Variants in MYO5C observed in about 807,000 individuals in gnomAD.
The protein encoded by MYO5C is unconventional myosin-Vc.
Under a neutral mutation model 235.7 loss-of-function variants are expected in MYO5C, and 194 were observed. That is an observed-to-expected ratio of 0.82 (90% CI 0.73 to 0.93). The LOEUF (loss-of-function observed/expected upper bound fraction) is 0.93. MYO5C is among the 40% of genes least tolerant of loss of function. The probability of loss-of-function intolerance (pLI) is 0.00; values close to 1 mark genes in which losing one functional copy is unlikely to be tolerated. For missense variants in MYO5C, 2,038 were observed against 2,127.2 expected (o/e 0.96, Z 0.82); for synonymous variants, 707 against 754.8 (o/e 0.94, Z 1.04).
At chr15:52,196,572 A>G in intron 38 of MYO5C, 89 bp from the exon 39 acceptor site, 1 of 1,233,012 alleles carries the variant, frequency 8.1e-7, no homozygotes, top group Non-Finnish European at 1.1e-6. Flanking sequence ...GAGTTCGCTG[A>G]GATCCTTAAG....
rs771704755 is a variant in MYO5C, at chr15:52,264,189, CACTA to C, written c.1044_1047del (p.Ser349ArgfsTer6). The C allele has an allele frequency of 3.7e-6, 6 of 1,605,216 alleles. No individual in the cohort carries two copies. Among genetic ancestry groups the C allele is most frequent in the Non-Finnish European group, 5.1e-6 (6 of 1,172,098 alleles). On this transcript the variant is annotated frameshift_variant and splice_region_variant, in exon 9 of 41. Coordinates refer to ENST00000261839, the MANE Select transcript of MYO5C (RefSeq NM_018728.4). LOFTEE classifies it high-confidence loss of function. The stretch of plus-strand genomic sequence containing the variant: ...AAAAGTAAAACAAATGAGCATCTCA[CACTA>C]ACTGAGGACCTCTCGTTGCCCACCG...
At chr15:52,200,338 C>T (rs956262102) in intron 38 of MYO5C, among the ~76,000 whole-genome samples, 3 of 152,074 alleles carry the variant, frequency 2.0e-5, no homozygotes, top group East Asian at 1.9e-4. Context: ...GAGGCTGAGG[C>T]GAGTGGATCA....
chr15:52,238,145 T>C (rs2036131754), intron 21 of MYO5C, among the ~76,000 whole-genome samples: 1 of 152,094 alleles, frequency 6.6e-6, no homozygotes, highest in Non-Finnish European at 1.5e-5. Flanking sequence ...ATCTACAAGC[T>C]AAGGAGAGAG....
At chr15:52,215,305 G>T (rs1406725443) in intron 32 of MYO5C, among the ~76,000 whole-genome samples, 1 of 152,178 alleles carries the variant, frequency 6.6e-6, no homozygotes, top group Non-Finnish European at 1.5e-5. Context: ...TGATAAGTAG[G>T]TGGCCTTGCC....
chr15:52,219,604 A>C (rs1246869854), intron 31 of MYO5C, among the ~76,000 whole-genome samples, 155 bp downstream of exon 31: 1 of 152,240 alleles, frequency 6.6e-6, no homozygotes, highest in Non-Finnish European at 1.5e-5. Flanking sequence ...TTGTACATAC[A>C]CATATTTCTT....
intron 11 of MYO5C, among the ~76,000 whole-genome samples, chr15:52,253,867 A>G (rs1350034478): frequency 6.6e-6 from 1 of 152,136 alleles, no homozygotes; most frequent in Admixed American, 6.5e-5. Flanking sequence ...GGAGAAGCCC[A>G]CTGCTTAGAG....
chr15:52,267,665 G>A (rs961004795), intron 8 of MYO5C, among the ~76,000 whole-genome samples: 9 of 152,164 alleles, frequency 5.9e-5, no homozygotes, highest in African/African-American at 1.7e-4. Flanking sequence ...CAGCCTGGGC[G>A]ACAGAGCGAG....
At chr15:52,286,203 C>A (rs1007056335) in intron 1 of MYO5C, among the ~76,000 whole-genome samples, 34 of 151,950 alleles carry the variant, frequency 2.2e-4, no homozygotes, top group Admixed American at 1.9e-3. Context: ...CCGGCAGCCG[C>A]CCCGTCCGGG....
At chr15:52,279,795 ATGTACT>A in intron 2 of MYO5C, 121 bp from the exon 3 acceptor site, 1 of 920,876 alleles carries the variant, frequency 1.1e-6, no homozygotes, top group Non-Finnish European at 1.6e-6. Context: ...TAAAAAGCAA[ATGTACT>A]TATAGCAACA....
rs1306981623 is a variant in MYO5C at position 52,271,809 on chromosome 15, C to T, written c.786G>A (p.Gln262=). The T allele has an allele frequency of 6.3e-7, 1 of 1,584,830 alleles. No individual in the cohort carries two copies. Among genetic ancestry groups the T allele is most frequent in the South Asian group, 1.1e-5 (1 of 87,190 alleles). Reference sequence around the variant, plus strand: ...CCGACTGCTGTGCAGATGCACAAAGCTGATAGAAAATGTGGTAATTTCGTT... The same window carrying T: ...CCGACTGCTGTGCAGATGCACAAAGTTGATAGAAAATGTGGTAATTTCGTT... ...ENERNYHIFY[Q]LCASAQQSEF... is the part of the protein sequence containing the mutation. The change falls in exon 7 of 41, where the codon CAG becomes CAA. Residue 262 remains glutamine (Q), a synonymous_variant. Transcript: ENST00000261839.
chr15:52,203,694 C>T (rs1338673222), intron 38 of MYO5C, among the ~76,000 whole-genome samples: 1 of 152,196 alleles, frequency 6.6e-6, no homozygotes, highest in African/African-American at 2.4e-5. Flanking sequence ...ACTATAGTCA[C>T]CCTGTTGTGC....
In MYO5C at chr15:52,219,806, C is replaced by T. The variant is rs2035636412; in HGVS notation, c.3738G>A (p.Leu1246=). 6.2e-7 allele frequency: 1 copy of T among 1,612,016 alleles called. No homozygotes were observed. The highest frequency in any genetic ancestry group is 1.1e-5 in the South Asian group (1 of 90,726). ...AEKMKGKLEE[L]SNQLHRSQEE... ...CTTGACTGCGATGTAACTGATTAGA[C>T]AATTCTTCTAGTTTTCCTATAATGA... Residue 1246 remains leucine, a synonymous_variant, in exon 31 of 41, where the codon TTG becomes TTA. Coordinates refer to ENST00000261839, the MANE Select transcript of MYO5C (RefSeq NM_018728.4).
rs552159399 is a variant in MYO5C, at chr15:52,216,554, T to C, written c.3955-1864A>G. Among the ~76,000 whole-genome samples the C allele has an allele frequency of 6.6e-5, 10 of 152,316 alleles. No individual in the cohort carries two copies. The South Asian group carries it at 2.1e-3, about 32-fold the overall frequency. On this transcript the variant is annotated intron_variant, in intron 32 of 40. Transcript: ENST00000261839. ...TGACAGGCAAAAATAGTACCTAGTT[T>C]TGATTTTGAATTTCTTTGATAAATA...
intron 11 of MYO5C, among the ~76,000 whole-genome samples, chr15:52,253,989 T>A (rs1251042643): frequency 6.4e-5 from 1 of 15,544 alleles, no homozygotes; most frequent in Non-Finnish European, 1.2e-4. Context: ...GGTGGTGAGG[T>A]GGGGTAGGGT....
At chr15:52,271,386 A>C (rs2036922313) in intron 7 of MYO5C, among the ~76,000 whole-genome samples, 1 of 151,856 alleles carries the variant, frequency 6.6e-6, no homozygotes, top group South Asian at 2.1e-4. Flanking sequence ...GTGCCACCAC[A>C]CCCGGTTAAT....
intron 11 of MYO5C, 143 bp from the exon 12 acceptor site, chr15:52,253,600 G>T: frequency 1.3e-6 from 1 of 780,386 alleles, no homozygotes; most frequent in Non-Finnish European, 2.0e-6. Flanking sequence ...TATAGACAAG[G>T]CCCATACCGT....
intron 11 of MYO5C, 102 bp from the exon 12 acceptor site, chr15:52,253,559 A>G: frequency 9.1e-7 from 1 of 1,097,148 alleles, no homozygotes; most frequent in Non-Finnish European, 1.3e-6. Flanking sequence ...TTGATCTGTA[A>G]TATTTATGTT....
chr15:52,231,148 A>C (rs934788523), intron 24 of MYO5C, among the ~76,000 whole-genome samples: 3 of 152,176 alleles, frequency 2.0e-5, no homozygotes, highest in African/African-American at 4.8e-5. Context: ...ATGTAAAAAG[A>C]ATCTTAGACC....
At chr15:52,245,248 T>G in intron 18 of MYO5C, 106 bp downstream of exon 18, 1 of 819,168 alleles carries the variant, frequency 1.2e-6, no homozygotes, top group Non-Finnish European at 2.1e-6. Flanking sequence ...TCCTTTCAGG[T>G]GTTCATGATT....
Sources: gnomAD v4.1 joint callset for allele counts (sites outside exome capture counted in the v4.1 genomes callset) on GRCh38, gnomAD v4.1.1 for gene constraint, MANE v1.5 for transcripts, NCBI Gene and HGNC (gene_info 2026-07-23, HGNC 2026-07-21) for gene names.